EYS: variants seen among roughly 807,000 people sequenced by gnomAD.
EYS encodes the protein EGF-like photoreceptor maintenance factor.
Under a neutral mutation model 282.1 loss-of-function variants are expected in EYS, and 250 were observed. That is an observed-to-expected ratio of 0.89 (90% CI 0.80 to 0.98). The LOEUF (loss-of-function observed/expected upper bound fraction) is 0.98, where lower values mean the gene tolerates loss of function less well. EYS is among the 50% of genes least tolerant of loss of function. EYS has a pLI of 0.00. For synonymous variants in EYS, 1,355 were observed against 1,282.9 expected (o/e 1.06, Z -1.20); for missense variants, 4,016 against 3,709.0 (o/e 1.08, Z -2.15).
chr6:64,447,543 AG>A (rs968120727), intron 26 of EYS, among the ~76,000 whole-genome samples: 1 of 152,144 alleles, frequency 6.6e-6, no homozygotes, highest in Non-Finnish European at 1.5e-5. Flanking sequence ...TTTCTTTAAT[AG>A]GTTCCCACAA....
At chr6:65,010,698 T>C (rs565871216) in intron 13 of EYS, among the ~76,000 whole-genome samples, 4 of 152,218 alleles carry the variant, frequency 2.6e-5, no homozygotes, top group Non-Finnish European at 5.9e-5. Flanking sequence ...GCAGAACTAA[T>C]AGCCCTCACT....
intron 8 of EYS, among the ~76,000 whole-genome samples, chr6:65,381,367 C>G (rs539965354): frequency 1.3e-5 from 2 of 152,090 alleles, no homozygotes; most frequent in South Asian, 4.2e-4. Context: ...AACATAGGAA[C>G]AGAAAAGCAA....
chr6:64,489,989 A>G (rs78518279), intron 26 of EYS, among the ~76,000 whole-genome samples: 1,526 of 150,884 alleles, frequency 0.01, 28 homozygotes, highest in East Asian at 0.082. Flanking sequence ...AAAGGCAGTC[A>G]CCCAGCAAAG....
chr6:64,085,340 G>GCGCGCGCA (rs112388321), intron 31 of EYS, among the ~76,000 whole-genome samples: 2 of 139,814 alleles, frequency 1.4e-5, no homozygotes, highest in African/African-American at 5.6e-5. Context: ...ACGTGCGCGC[G>GCGCGCGCA]CACACACACA....
At chr6:65,183,338 T>G (rs1581992349) in intron 12 of EYS, among the ~76,000 whole-genome samples, 1 of 151,988 alleles carries the variant, frequency 6.6e-6, no homozygotes, top group African/African-American at 2.4e-5. Flanking sequence ...GAGTACCTTT[T>G]AAAAAGTGTA....
intron 21 of EYS, among the ~76,000 whole-genome samples, chr6:64,817,888 TAC>T (rs1764785979): frequency 6.6e-6 from 1 of 152,144 alleles, no homozygotes. Flanking sequence ...TTGCTATTTA[TAC>T]ACAGTTTTTT....
chr6:64,543,076 C>T (rs545795874), intron 26 of EYS, among the ~76,000 whole-genome samples: 24 of 152,148 alleles, frequency 1.6e-4, no homozygotes, highest in South Asian at 4.1e-4. Context: ...TGGCTTTCAC[C>T]GGTCCTTGTC....
chr6:65,627,813 C>A (rs553618022), intron 2 of EYS, among the ~76,000 whole-genome samples: 1 of 152,344 alleles, frequency 6.6e-6, no homozygotes, highest in South Asian at 2.1e-4. Context: ...GCCCGCCATG[C>A]CTGAGCCTCC....
intron 33 of EYS, among the ~76,000 whole-genome samples, chr6:64,024,978 C>T (rs1257962261): frequency 1.3e-5 from 2 of 152,164 alleles, no homozygotes; most frequent in Non-Finnish European, 2.9e-5. Context: ...CGCCTATCGC[C>T]CAGTGGTATG....
intron 26 of EYS, among the ~76,000 whole-genome samples, chr6:64,511,569 G>A (rs1375319660): frequency 6.6e-6 from 1 of 151,962 alleles, no homozygotes; most frequent in Non-Finnish European, 1.5e-5. Context: ...TTGTGCCACT[G>A]AGTAGAGATG....
At chr6:63,789,468 A>G (rs1292604411) in intron 37 of EYS, among the ~76,000 whole-genome samples, 2 of 152,198 alleles carry the variant, frequency 1.3e-5, no homozygotes, top group Non-Finnish European at 2.9e-5. Context: ...GGAATGATCA[A>G]TGATCAACTA....
In EYS at chr6:64,397,563, C is replaced by G. The variant is rs148101543; in HGVS notation, c.5928-8723G>C. Among the ~76,000 whole-genome samples the G allele has an allele frequency of 7.2e-3, 1,092 of 151,878 alleles. 11 individuals are homozygous for G. The highest frequency in any genetic ancestry group is 0.025 in the African/African-American group (1,030 of 41,464). On this transcript the variant is annotated intron_variant, in intron 28 of 42. Coordinates refer to ENST00000503581, the MANE Select transcript of EYS (RefSeq NM_001142800.2). ...TTTAATCTAAAATTTCAGTTATTGG[C>G]AAAAATGTTTCATAATTTCCTTTTG...
intron 1 of EYS, among the ~76,000 whole-genome samples, chr6:65,663,374 A>G (rs1582577425): frequency 1.3e-5 from 2 of 152,212 alleles, no homozygotes; most frequent in East Asian, 3.9e-4. Context: ...GAGACACCAT[A>G]GAAAAATAAG....
chr6:65,264,783 A>T (rs1767707685), intron 12 of EYS, among the ~76,000 whole-genome samples: 1 of 151,912 alleles, frequency 6.6e-6, no homozygotes, highest in South Asian at 2.1e-4. Flanking sequence ...AATTTTGCTC[A>T]TAATTACTAA....
chr6:65,322,689 G>C (rs1165689405), intron 11 of EYS, among the ~76,000 whole-genome samples: 1 of 151,800 alleles, frequency 6.6e-6, no homozygotes, highest in African/African-American at 2.4e-5. Context: ...CAGCTACTCA[G>C]GAGGCTGAGG....
chr6:64,499,226 G>T (rs1359339270), intron 26 of EYS, among the ~76,000 whole-genome samples: 1 of 152,228 alleles, frequency 6.6e-6, no homozygotes, highest in East Asian at 1.9e-4. Context: ...TTTAAAATCT[G>T]GTGATTATAT....
intron 13 of EYS, among the ~76,000 whole-genome samples, chr6:65,009,295 C>A (rs1029259342): frequency 6.6e-6 from 1 of 152,134 alleles, no homozygotes; most frequent in African/African-American, 2.4e-5. Context: ...TAAAACCATG[C>A]AATAGCCCCT....
At chr6:65,330,221 G>A (rs1428327304) in intron 11 of EYS, 1 of 961,976 alleles carries the variant, frequency 1.0e-6, no homozygotes, top group African/African-American at 1.8e-5. Context: ...ATGTCTCATT[G>A]TCATAACATT....
chr6:65,438,102 T>C (rs868165928), intron 5 of EYS, among the ~76,000 whole-genome samples: 28 of 149,556 alleles, frequency 1.9e-4, no homozygotes, highest in African/African-American at 6.4e-4. Context: ...TGAGAACATG[T>C]AGTGTTTGGT....
Sources: gnomAD v4.1 joint callset for allele counts (sites outside exome capture counted in the v4.1 genomes callset) on GRCh38, gnomAD v4.1.1 for gene constraint, MANE v1.5 for transcripts, NCBI Gene and HGNC (gene_info 2026-07-23, HGNC 2026-07-21) for gene names.